The following NBEA variants were observed in gnomAD, a reference collection of about 807,000 sequenced individuals.
NBEA encodes the protein neurobeachin, also known as lysosomal-trafficking regulator 2.
Under a neutral mutation model 343.4 loss-of-function variants are expected in NBEA, and 44 were observed. That is an observed-to-expected ratio of 0.13 (90% CI 0.10 to 0.16). The LOEUF is 0.16. Among genes scored for constraint, NBEA ranks in the 10% least tolerant of loss-of-function variants. NBEA has a pLI of 1.00. For synonymous variants in NBEA, 1,175 were observed against 1,238.7 expected, an observed-to-expected ratio of 0.95 and a Z score of 1.08; for missense variants, 2,555 against 3,631.3, an observed-to-expected ratio of 0.70 and a Z score of 7.62.
chr13:35,588,506 CAAT>C lies in NBEA; in HGVS notation c.7176+4475_7176+4477del, dbSNP rs1227091605. ...TGTTTCAATGTACTTAGTATAACAA[CAAT>C]AATAATTGCTTAAAAATGCTAATTA... On this transcript the variant is annotated intron_variant, in intron 46 of 58. Transcript: ENST00000379939. Among the ~76,000 whole-genome samples, 7 of 152,156 alleles carry C rather than the reference CAAT, an allele frequency of 4.6e-5. 1 individual carries two copies. The highest frequency in any genetic ancestry group is 4.1e-4 in the South Asian group (2 of 4,830).
At chr13:35,154,703 A>T (rs2152706966) in intron 18 of NBEA, among the ~76,000 whole-genome samples, 1 of 152,308 alleles carries the variant, frequency 6.6e-6, no homozygotes, top group South Asian at 2.1e-4. Context: ...AAGTTAGTAA[A>T]TGTTTTAGAA....
intron 17 of NBEA, among the ~76,000 whole-genome samples, chr13:35,128,698 A>G (rs1453467301): frequency 2.6e-5 from 4 of 152,272 alleles, no homozygotes; most frequent in South Asian, 4.1e-4. Context: ...AAAAATAGCA[A>G]CTCATCTAAA....
At chr13:34,956,795 T>C (rs2059506907) in intron 1 of NBEA, among the ~76,000 whole-genome samples, 1 of 152,154 alleles carries the variant, frequency 6.6e-6, no homozygotes, top group Admixed American at 6.6e-5. Context: ...TCAACCATCA[T>C]CACCATCCTT....
At position 34,984,255 on chromosome 13, in the gene NBEA, G is replaced by T. The variant is rs540357043; in HGVS notation, c.294+41141G>T. Reference sequence around the variant, plus strand: ...ATCCAGTTTCAGCTTTCTACATATGGCTAGCCAGTTATTAAATAGGGAATC... The same window carrying T: ...ATCCAGTTTCAGCTTTCTACATATGTCTAGCCAGTTATTAAATAGGGAATC... On this transcript the variant is annotated intron_variant, in intron 1 of 58. Coordinates refer to ENST00000379939, the MANE Select transcript of NBEA (RefSeq NM_001385012.1). Among the ~76,000 whole-genome samples the T allele has an allele frequency of 4.6e-5, 7 of 152,170 alleles. No individual in the cohort carries two copies. The East Asian group carries it at 1.3e-3, about 29-fold the overall frequency.
At chr13:35,584,070 G>A in intron 46 of NBEA, 32 bp downstream of exon 46, 1 of 1,598,210 alleles carries the variant, frequency 6.3e-7, no homozygotes, top group Non-Finnish European at 8.5e-7. Context: ...GCTTGCCTTT[G>A]GTACCTTAAA....
At chr13:35,402,782 G>C (rs944640163) in intron 38 of NBEA, among the ~76,000 whole-genome samples, 1 of 152,048 alleles carries the variant, frequency 6.6e-6, no homozygotes, top group Admixed American at 6.6e-5. Flanking sequence ...AGGCCGGATT[G>C]CATTTAATTA....
intron 33 of NBEA, among the ~76,000 whole-genome samples, chr13:35,225,184 C>T (rs2074583470): frequency 6.6e-6 from 1 of 152,046 alleles, no homozygotes; most frequent in South Asian, 2.1e-4. Context: ...CTCTTTTGTC[C>T]TGGTCTAGAC....
At chr13:35,269,397 AAG>A (rs2033952546) in intron 34 of NBEA, among the ~76,000 whole-genome samples, 1 of 152,212 alleles carries the variant, frequency 6.6e-6, no homozygotes, top group Non-Finnish European at 1.5e-5. Context: ...AAGATTGGGC[AAG>A]AGTTTTATGT....
chr13:35,083,060 T>A (rs888563343), intron 10 of NBEA, among the ~76,000 whole-genome samples: 2 of 152,210 alleles, frequency 1.3e-5, no homozygotes, highest in Admixed American at 6.5e-5. Context: ...AGGTCTAACA[T>A]TTAAGTCTTT....
At chr13:35,200,056 AT>A (rs1323611650) in intron 31 of NBEA, among the ~76,000 whole-genome samples, 3 of 151,868 alleles carry the variant, frequency 2.0e-5, no homozygotes, top group Non-Finnish European at 4.4e-5. Flanking sequence ...AACTATAACA[AT>A]TTTTTCAAAG....
chr13:35,510,111 T>C (rs941845189), intron 41 of NBEA, among the ~76,000 whole-genome samples: 1 of 152,196 alleles, frequency 6.6e-6, no homozygotes, highest in Non-Finnish European at 1.5e-5. Context: ...TGAAATGGGT[T>C]TGTATCAGAG....
chr13:35,489,490 T>C (rs1382598196), intron 41 of NBEA, among the ~76,000 whole-genome samples: 1 of 151,954 alleles, frequency 6.6e-6, no homozygotes, highest in Admixed American at 6.6e-5. Context: ...TTTATTCTTA[T>C]GCTCTTCTCT....
intron 1 of NBEA, among the ~76,000 whole-genome samples, chr13:34,958,829 C>G (rs2059575519): frequency 6.6e-6 from 1 of 152,094 alleles, no homozygotes; most frequent in Admixed American, 6.6e-5. Flanking sequence ...AAATGGCTTG[C>G]TAAAACTGAG....
chr13:35,306,069 G>A (rs2036873539), intron 35 of NBEA, among the ~76,000 whole-genome samples: 1 of 152,214 alleles, frequency 6.6e-6, no homozygotes, highest in African/African-American at 2.4e-5. Flanking sequence ...AGGTGAGCAG[G>A]ACAGGCAGAA....
intron 41 of NBEA, among the ~76,000 whole-genome samples, chr13:35,488,811 A>G (rs866274792): frequency 3.2e-4 from 49 of 152,036 alleles, no homozygotes; most frequent in African/African-American, 1.0e-3. Flanking sequence ...CTGAATATTC[A>G]GTATCACAGA....
intron 38 of NBEA, among the ~76,000 whole-genome samples, chr13:35,386,104 T>C (rs910203126): frequency 1.2e-4 from 18 of 152,148 alleles, no homozygotes; most frequent in Non-Finnish European, 2.4e-4. Context: ...AAATAAAATA[T>C]ATAATTTGAA....
intron 51 of NBEA, among the ~76,000 whole-genome samples, chr13:35,646,922 T>G (rs1324973): frequency 0.13 from 19,815 of 152,080 alleles, 1,386 homozygotes; most frequent in South Asian, 0.2. Context: ...TTCAGCATCT[T>G]CAAAATAGAG....
Position 35,117,456 on chromosome 13 carries a change from C to G in NBEA, c.2045C>G (p.Ala682Gly). The G allele has an allele frequency of 7.2e-7, 1 of 1,380,888 alleles. No individual in the cohort carries two copies. The allele number at this position is 1,380,888 out of a possible 1,614,324, so 85.5% of individuals were successfully genotyped here. A position where few individuals can be genotyped will look rare whatever the true frequency, so the allele number is the denominator to read the frequency against. ...PSQKEIISLR[A>G]FMLLFLKQLI... ...CAAAAAGAAATTATATCACTGAGGG[C>G]ATTTATGCTACTTTTTCTGAAACAG... The change falls in exon 14 of 59, where the codon GCA becomes GGA. Residue 682 changes from alanine (A) to glycine (G), a missense_variant. Coordinates refer to ENST00000379939, the MANE Select transcript of NBEA (RefSeq NM_001385012.1).
At chr13:35,001,582 TACC>T in intron 1 of NBEA, among the ~76,000 whole-genome samples, 1 of 152,208 alleles carries the variant, frequency 6.6e-6, no homozygotes, top group South Asian at 2.1e-4. Flanking sequence ...GAAAGATAAA[TACC>T]ACATGTTCTC....
Sources: allele counts gnomAD v4.1 joint callset (sites outside exome capture counted in the v4.1 genomes callset), GRCh38; gene constraint gnomAD v4.1.1; transcripts MANE v1.5; gene names NCBI Gene and HGNC (gene_info 2026-07-23, HGNC 2026-07-21).